EPHA3: variants seen among roughly 807,000 people sequenced by gnomAD.
EPHA3 encodes EPH receptor A3.
In EPHA3, 42 loss-of-function variants were observed where a neutral mutation model predicts 107.1. The observed-to-expected ratio is 0.39, with a 90% CI of 0.31 to 0.51. The LOEUF is 0.51. Ranked by LOEUF, EPHA3 falls within the 20% of genes least tolerant of loss-of-function variation. The pLI is 0.78. For missense variants in EPHA3, 1,183 were observed against 1,211.2 expected (o/e 0.98, Z 0.35); for synonymous variants, 461 against 424.8 (o/e 1.09, Z -1.05).
chr3:89,275,642 A>G lies in EPHA3; in HGVS notation c.814+65122A>G, dbSNP rs538889757. Among the ~76,000 whole-genome samples the G allele has an allele frequency of 6.4e-4, 97 of 152,144 alleles. 4 individuals carry two copies. Among genetic ancestry groups the G allele is most frequent in the Admixed American group, 4.8e-3 (73 of 15,230 alleles). On this transcript the variant is annotated intron_variant, in intron 3 of 16. Transcript: ENST00000336596. ...CCACCAGATTCTTTTCCAACACCAA[A>G]TTTTCTCAGAAATATGAAAATTCTT...
At chr3:89,303,621 T>A (rs1028762828) in intron 3 of EPHA3, among the ~76,000 whole-genome samples, 6 of 152,100 alleles carry the variant, frequency 3.9e-5, no homozygotes, top group Admixed American at 2.0e-4. Flanking sequence ...AAAGAGGCAA[T>A]TTAGTCCACA....
intron 3 of EPHA3, among the ~76,000 whole-genome samples, chr3:89,275,245 C>T (rs1392280461): frequency 6.6e-6 from 1 of 151,980 alleles, no homozygotes; most frequent in Non-Finnish European, 1.5e-5. Flanking sequence ...CACTCCTTTC[C>T]CTGGAGATTC....
chr3:89,312,112 C>T (rs565799812), intron 3 of EPHA3, among the ~76,000 whole-genome samples: 1 of 152,170 alleles, frequency 6.6e-6, no homozygotes, highest in Admixed American at 6.6e-5. Context: ...GCACATTACT[C>T]CCTATGTATT....
chr3:89,384,346 C>G (rs1708571542), intron 5 of EPHA3, among the ~76,000 whole-genome samples: 1 of 152,066 alleles, frequency 6.6e-6, no homozygotes, highest in African/African-American at 2.4e-5. Context: ...TTAACAAAGC[C>G]AGTAGATAGA....
chr3:89,399,283 G>A, intron 6 of EPHA3, 35 bp from the exon 7 acceptor site: 1 of 1,575,166 alleles, frequency 6.3e-7, no homozygotes, highest in South Asian at 1.1e-5. Flanking sequence ...ATGAAGATTT[G>A]ATTTTAACAT....
intron 5 of EPHA3, among the ~76,000 whole-genome samples, chr3:89,391,290 C>T (rs143813864): frequency 1.2e-3 from 180 of 152,126 alleles, no homozygotes; most frequent in Non-Finnish European, 2.1e-3. Flanking sequence ...TGTGTAAGTC[C>T]GGAGAAGCTT....
intron 5 of EPHA3, among the ~76,000 whole-genome samples, chr3:89,346,903 G>C (rs1463284357): frequency 6.8e-6 from 1 of 146,582 alleles, no homozygotes; most frequent in African/African-American, 2.5e-5. Context: ...GTTTTTCTCA[G>C]GTTTGTCAAA....
chr3:89,218,748 A>T (rs1421850905), intron 3 of EPHA3, among the ~76,000 whole-genome samples: 1 of 152,238 alleles, frequency 6.6e-6, no homozygotes, highest in Admixed American at 6.5e-5. Context: ...ATCATTGGCC[A>T]TCAGAGAAAT....
At chr3:89,435,896 C>A (rs1227021908) in intron 13 of EPHA3, among the ~76,000 whole-genome samples, 1 of 150,148 alleles carries the variant, frequency 6.7e-6, no homozygotes, top group Admixed American at 6.7e-5. Flanking sequence ...GAGGTTGCAG[C>A]GAACGGAGAT....
At chr3:89,172,980 A>T (rs535159662) in intron 2 of EPHA3, among the ~76,000 whole-genome samples, 12 of 152,274 alleles carry the variant, frequency 7.9e-5, no homozygotes, top group East Asian at 7.7e-4. Flanking sequence ...GTCTTAATGA[A>T]GAAGAAATTG....
intron 3 of EPHA3, among the ~76,000 whole-genome samples, chr3:89,255,186 A>G (rs1705254014): frequency 6.6e-6 from 1 of 152,222 alleles, no homozygotes; most frequent in African/African-American, 2.4e-5. Flanking sequence ...TTATTTTTAG[A>G]AATATTTTAC....
In EPHA3 at chr3:89,167,539, A is replaced by T. The variant is rs113730959; in HGVS notation, c.153+40266A>T. Among the ~76,000 whole-genome samples the T allele has an allele frequency of 3.7e-3, 558 of 152,166 alleles. 2 individuals carry two copies. The highest frequency in any genetic ancestry group is 0.013 in the African/African-American group (542 of 41,566). On this transcript the variant is annotated intron_variant, in intron 2 of 16. Coordinates refer to ENST00000336596, the MANE Select transcript of EPHA3 (RefSeq NM_005233.6). ...AATGCATCATCTTCAATTGTGTGTT[A>T]TACTAACTCCATAGTTTGAAGTTTG...
intron 2 of EPHA3, among the ~76,000 whole-genome samples, chr3:89,154,536 G>T (rs972543932): frequency 2.0e-5 from 3 of 151,566 alleles, no homozygotes; most frequent in African/African-American, 7.3e-5. Flanking sequence ...TAGCTTTTAA[G>T]ATTTATTTAT....
chr3:89,408,100 T>C lies in EPHA3; in HGVS notation c.1731T>C (p.Asp577=). Reference sequence around the variant, plus strand: ...GCTATAAGTCAAAACATGGGGCAGATGAAAAAAGACTTCATTTTGGCAATG... The same window carrying C: ...GCTATAAGTCAAAACATGGGGCAGACGAAAAAAGACTTCATTTTGGCAATG... ...FCGYKSKHGA[D]EKRLHFGNGH... The change falls in exon 9 of 17, where the codon GAT becomes GAC. Residue 577 remains aspartate (D), a synonymous_variant. Coordinates refer to ENST00000336596, the MANE Select transcript of EPHA3 (RefSeq NM_005233.6). The C allele has an allele frequency of 6.2e-7, 1 of 1,612,918 alleles. No homozygotes were observed.
At chr3:89,351,206 CT>C (rs1576328985) in intron 5 of EPHA3, among the ~76,000 whole-genome samples, 1 of 151,328 alleles carries the variant, frequency 6.6e-6, no homozygotes, top group East Asian at 1.9e-4. Context: ...GCGGGCGCCC[CT>C]CCCCCAGCCT....
intron 3 of EPHA3, among the ~76,000 whole-genome samples, chr3:89,219,078 C>G (rs1704286568): frequency 6.6e-6 from 1 of 152,126 alleles, no homozygotes; most frequent in African/African-American, 2.4e-5. Flanking sequence ...TAATCTGCTT[C>G]TAAAGTGTCA....
chr3:89,255,681 G>C (rs572258836), intron 3 of EPHA3, among the ~76,000 whole-genome samples: 1 of 152,008 alleles, frequency 6.6e-6, no homozygotes, highest in Non-Finnish European at 1.5e-5. Flanking sequence ...CAGGTGGATT[G>C]CCTGAGGTGA....
chr3:89,165,566 C>A (rs2107082344), intron 2 of EPHA3, among the ~76,000 whole-genome samples: 1 of 152,228 alleles, frequency 6.6e-6, no homozygotes, highest in South Asian at 2.1e-4. Context: ...ATATTGTAGT[C>A]AAAATGATCC....
chr3:89,416,012 C>T (rs1003746375), intron 10 of EPHA3, among the ~76,000 whole-genome samples: 6 of 151,294 alleles, frequency 4.0e-5, no homozygotes, highest in African/African-American at 1.5e-4. Context: ...GTGCAGGGGA[C>T]TTAGCTGACA....
Sources: allele counts gnomAD v4.1 joint callset (sites outside exome capture counted in the v4.1 genomes callset), GRCh38; gene constraint gnomAD v4.1.1; transcripts MANE v1.5; gene names NCBI Gene and HGNC (gene_info 2026-07-23, HGNC 2026-07-21).